PHACTR2: variants seen among roughly 807,000 people sequenced by gnomAD.
PHACTR2 encodes the protein phosphatase and actin regulator 2.
Under a neutral mutation model 76.0 loss-of-function variants are expected in PHACTR2, and 30 were observed. That is an observed-to-expected ratio of 0.39 (90% CI 0.30 to 0.54). PHACTR2 has a LOEUF of 0.54. PHACTR2 is among the 20% of genes least tolerant of loss of function. PHACTR2 has a pLI of 0.61. For missense variants in PHACTR2, 696 were observed against 781.1 expected, an observed-to-expected ratio of 0.89 and a Z score of 1.30; for synonymous variants, 292 against 292.5, an observed-to-expected ratio of 1.00 and a Z score of 0.02.
intron 1 of PHACTR2, among the ~76,000 whole-genome samples, chr6:143,542,344 C>G (rs749176195): frequency 3.9e-5 from 6 of 152,152 alleles, no homozygotes; most frequent in Non-Finnish European, 7.4e-5. Flanking sequence ...TGATTCTTAC[C>G]AAGTTACCAT....
At chr6:143,771,505 T>G (rs890381480) in intron 6 of PHACTR2, among the ~76,000 whole-genome samples, 4 of 151,714 alleles carry the variant, frequency 2.6e-5, no homozygotes, top group South Asian at 2.1e-4. Context: ...GGCGCGATCT[T>G]GGCTCACTGC....
chr6:143,570,775 G>T lies in PHACTR2; in HGVS notation c.217+33568G>T, dbSNP rs1488932916. 2.6e-5 allele frequency among the ~76,000 whole-genome samples: 4 copies of T among 152,026 alleles called. No individual in the cohort carries two copies. ...GGTTCATCGACTCGTTCTGGTAGGG[G>T]GCCTCTATCTTATTGAGCACACTTT... On this transcript the variant is annotated intron_variant, in intron 1 of 11. Coordinates refer to the PHACTR2 transcript ENST00000367584. This position sits in a 1 kb window ranked among gnomAD's most constrained non-coding sequence, Gnocchi z 4.6.
intron 1 of PHACTR2, among the ~76,000 whole-genome samples, chr6:143,634,216 A>G (rs1320350636): frequency 6.6e-6 from 1 of 152,210 alleles, no homozygotes; most frequent in Non-Finnish European, 1.5e-5. Flanking sequence ...TAATTATGGA[A>G]TTGCAACCTC....
chr6:143,637,770 A>C (rs982408957), intron 1 of PHACTR2, among the ~76,000 whole-genome samples: 5 of 152,246 alleles, frequency 3.3e-5, no homozygotes, highest in Admixed American at 2.0e-4. Flanking sequence ...TCTAATGCAA[A>C]TCTGCTGTAG....
At chr6:143,724,177 C>T (rs1778505894) in intron 2 of PHACTR2, among the ~76,000 whole-genome samples, 1 of 151,962 alleles carries the variant, frequency 6.6e-6, no homozygotes, top group Non-Finnish European at 1.5e-5. Context: ...ACTCTGTCAC[C>T]CAGGCTGGAC....
intron 6 of PHACTR2, among the ~76,000 whole-genome samples, chr6:143,766,183 AAAG>A (rs1582857258): frequency 2.0e-5 from 3 of 152,314 alleles, no homozygotes; most frequent in Admixed American, 6.5e-5. Flanking sequence ...CCAAGAACAT[AAAG>A]AAGATCAGAA....
In PHACTR2 at chr6:143,827,841, A is replaced by G. The variant is rs1285390999; in HGVS notation, c.*4152A>G. ...GGACAAAGCAGAATGAACTTATATA[A>G]CTAAAATATGTCCTATATTGGCTGG... On this transcript the variant is annotated 3_prime_UTR_variant, in exon 13 of 13. Coordinates refer to ENST00000440869, the MANE Select transcript of PHACTR2 (RefSeq NM_001100164.2). 1 of 152,116 alleles carries G rather than the reference A, an allele frequency of 6.6e-6. No homozygotes were observed. The highest frequency in any genetic ancestry group is 2.1e-4 in the South Asian group (1 of 4,830). The allele number at this position is 152,116 out of a possible 1,614,324, so 9.4% of individuals were successfully genotyped here.
rs930114182 is a variant in PHACTR2, at chr6:143,829,163, A to G, written c.*5474A>G. 6.6e-6 allele frequency: 1 copy of G among 150,938 alleles called. No homozygotes were observed. The highest frequency in any genetic ancestry group is 2.4e-5 in the African/African-American group (1 of 40,912). The allele number at this position is 150,938 out of a possible 1,614,324, so 9.3% of individuals were successfully genotyped here. A position where few individuals can be genotyped will look rare whatever the true frequency, so the allele number is the denominator to read the frequency against. On this transcript the variant is annotated 3_prime_UTR_variant, in exon 13 of 13. Transcript: ENST00000440869. ...TACTTAAAGTCCCTATATATACTTAAAGGAGAGATCATACATGAAGAAAGC... is the reference window on the plus strand; with the variant it reads ...TACTTAAAGTCCCTATATATACTTAGAGGAGAGATCATACATGAAGAAAGC...
At chr6:143,674,368 A>G (rs997510207), upstream of PHACTR2, among the ~76,000 whole-genome samples, 1 of 152,222 alleles carries the variant, frequency 6.6e-6, no homozygotes, top group South Asian at 2.1e-4. The surrounding 1 kb of genome is among the most constrained non-coding windows in gnomAD (Gnocchi z 4.9). Flanking sequence ...CGTTTTTAGT[A>G]TACTATTAGG....
At chr6:143,635,316 A>ATGTGTGTGTGTG (rs71834478) in intron 1 of PHACTR2, among the ~76,000 whole-genome samples, 1 of 149,928 alleles carries the variant, frequency 6.7e-6, no homozygotes, top group African/African-American at 2.4e-5. Flanking sequence ...AGCATTTAGG[A>ATGTGTGTGTGTG]TGTGTGTGTG....
Position 143,567,832 on chromosome 6 carries a change from C to T in PHACTR2, c.217+30625C>T, listed in dbSNP as rs926470167. On this transcript the variant is annotated intron_variant, in intron 1 of 11. Coordinates refer to the PHACTR2 transcript ENST00000367584. ...CTGTCTGTGTAATCCTTAGATGTAT[C>T]GAGGTTTAAAGTATGCTCTGAGATT... Among the ~76,000 whole-genome samples the T allele has an allele frequency of 3.3e-5, 5 of 152,256 alleles. No individual in the cohort carries two copies. The South Asian group carries it at 6.2e-4, about 19-fold the overall frequency.
chr6:143,788,702 T>C, intron 10 of PHACTR2, 71 bp from the exon 11 acceptor site: 1 of 1,298,430 alleles, frequency 7.7e-7, no homozygotes, highest in Non-Finnish European at 1.1e-6. Flanking sequence ...AAGTGTTCTC[T>C]ATAGAAAACT....
intron 1 of PHACTR2, among the ~76,000 whole-genome samples, chr6:143,563,019 C>T (rs1775303805): frequency 6.6e-6 from 1 of 152,132 alleles, no homozygotes; most frequent in South Asian, 2.1e-4. Context: ...TTTGGAGTTT[C>T]TGTTTGGGTT....
At chr6:143,728,220 T>C (rs1473415069) in intron 2 of PHACTR2, among the ~76,000 whole-genome samples, 34 of 140,380 alleles carry the variant, frequency 2.4e-4, no homozygotes, top group Admixed American at 9.9e-4. Flanking sequence ...TTCTTTCTTT[T>C]TTTTTTTTTT....
rs895153925 is a variant in PHACTR2 at position 143,608,841 on chromosome 6, G to T, written c.13+519G>T. 1.3e-5 allele frequency among the ~76,000 whole-genome samples: 2 copies of T among 152,180 alleles called. No individual in the cohort carries two copies. Among genetic ancestry groups the T allele is most frequent in the Non-Finnish European group, 2.9e-5 (2 of 68,042 alleles). The stretch of plus-strand genomic sequence containing the variant: ...TAATTTCAGAATAGAGACATTAGTG[G>T]TCAATTGTGAACCTTTAAAAATGTA... On this transcript the variant is annotated intron_variant, in intron 1 of 11. Transcript: ENST00000305766. This position sits in a 1 kb window ranked among gnomAD's most constrained non-coding sequence, Gnocchi z 4.6.
chr6:143,703,527 A>G (rs1777964779), intron 1 of PHACTR2, among the ~76,000 whole-genome samples: 1 of 152,228 alleles, frequency 6.6e-6, no homozygotes. Context: ...GTTACGAGCA[A>G]TCTTCCTCCA....
intron 6 of PHACTR2, among the ~76,000 whole-genome samples, chr6:143,768,284 T>C (rs1400259109): frequency 6.6e-6 from 1 of 152,254 alleles, no homozygotes; most frequent in Non-Finnish European, 1.5e-5. Context: ...GAACTGAACA[T>C]TCATTCTTAC....
In PHACTR2 at chr6:143,627,817, G is replaced by T. The variant is rs1181765577; in HGVS notation, c.13+19495G>T. Among the ~76,000 whole-genome samples, 1 of 151,882 alleles carries T rather than the reference G, an allele frequency of 6.6e-6. No individual in the cohort carries two copies. The highest frequency in any genetic ancestry group is 1.5e-5 in the Non-Finnish European group (1 of 67,986). The stretch of plus-strand genomic sequence containing the variant: ...GGAGTTTCACTATGTTAGCCAGGTT[G>T]GTCTCGATCTCCTGACCTTGTGATC... On this transcript the variant is annotated intron_variant, in intron 1 of 11. Transcript: ENST00000305766. The surrounding 1 kb of genome is among the most constrained non-coding windows in gnomAD (Gnocchi z 4.3).
chr6:143,713,237 AT>A (rs1436053572), intron 2 of PHACTR2, among the ~76,000 whole-genome samples: 13 of 152,360 alleles, frequency 8.5e-5, no homozygotes, highest in African/African-American at 3.1e-4. Flanking sequence ...TCTCGGATGC[AT>A]TTGCAGCTAT....
Sources: allele counts gnomAD v4.1 joint callset (sites outside exome capture counted in the v4.1 genomes callset), GRCh38; gene constraint gnomAD v4.1.1; non-coding constraint Gnocchi (gnomAD v3.1); transcripts MANE v1.5; gene names NCBI Gene and HGNC (gene_info 2026-07-23, HGNC 2026-07-21).